EDARADD: variants seen among roughly 807,000 people sequenced by gnomAD.
EDARADD encodes ectodysplasin-A receptor-associated adapter protein.
A neutral mutation model predicts 25.6 loss-of-function variants in EDARADD; 20 were observed. The ratio of observed to expected loss-of-function variants is 0.78; its 90% CI spans 0.55 to 1.14. The LOEUF (loss-of-function observed/expected upper bound fraction) is 1.14. EDARADD is among the 50% of genes most tolerant of loss of function. The pLI, the probability that EDARADD is intolerant of heterozygous loss-of-function variation, is 0.00. For missense variants in EDARADD, 225 were observed against 270.1 expected (o/e 0.83, Z 1.17); for synonymous variants, 86 against 94.4 (o/e 0.91, Z 0.52).
intron 3 of EDARADD, among the ~76,000 whole-genome samples, chr1:236,421,665 GT>G (rs1657789488): frequency 6.6e-6 from 1 of 151,588 alleles, no homozygotes; most frequent in Non-Finnish European, 1.5e-5. Flanking sequence ...GCCTGGCTAA[GT>G]TTTGTATTTT....
At chr1:236,356,228 C>T (rs1666973979) in intron 3 of EDARADD, among the ~76,000 whole-genome samples, 1 of 152,132 alleles carries the variant, frequency 6.6e-6, no homozygotes, top group African/African-American at 2.4e-5. Flanking sequence ...CAACCCAGAG[C>T]TCTGACATGA....
chr1:236,439,466 C>A (rs1409333094), intron 4 of EDARADD, among the ~76,000 whole-genome samples: 1 of 152,210 alleles, frequency 6.6e-6, no homozygotes, highest in African/African-American at 2.4e-5. Flanking sequence ...CATTCCCACC[C>A]AGCAATGGAT....
intron 4 of EDARADD, among the ~76,000 whole-genome samples, chr1:236,455,951 G>A (rs1030905805): frequency 6.6e-5 from 10 of 152,294 alleles, no homozygotes; most frequent in African/African-American, 2.2e-4. Flanking sequence ...CACCACGTCT[G>A]GCTCATCTTT....
chr1:236,444,998 G>A (rs973611394), intron 4 of EDARADD, among the ~76,000 whole-genome samples: 7 of 151,874 alleles, frequency 4.6e-5, no homozygotes, highest in Non-Finnish European at 8.8e-5. Flanking sequence ...AAATGGTATT[G>A]TGTTTTAGAT....
chr1:236,463,788 C>T (rs544162750), intron 4 of EDARADD, among the ~76,000 whole-genome samples: 6 of 152,312 alleles, frequency 3.9e-5, no homozygotes, highest in Non-Finnish European at 7.4e-5. Flanking sequence ...GATATCTCAC[C>T]TCCCTTCAGG....
intron 4 of EDARADD, among the ~76,000 whole-genome samples, chr1:236,465,725 A>G (rs962475426): frequency 6.6e-6 from 1 of 152,162 alleles, no homozygotes; most frequent in Non-Finnish European, 1.5e-5. Context: ...GTTTTTACAT[A>G]TTAGCTGCTC....
chr1:236,426,012 C>T (rs1271087609), intron 3 of EDARADD, among the ~76,000 whole-genome samples: 1 of 151,784 alleles, frequency 6.6e-6, no homozygotes, highest in Admixed American at 6.6e-5. Flanking sequence ...GGGTCTCACT[C>T]TGTCCCCCAG....
intron 4 of EDARADD, among the ~76,000 whole-genome samples, chr1:236,461,780 G>A (rs1279461626): frequency 6.6e-6 from 1 of 152,180 alleles, no homozygotes; most frequent in African/African-American, 2.4e-5. Flanking sequence ...CCTGGGGCAT[G>A]CTTTCCCATT....
chr1:236,363,083 G>T (rs1667075006), intron 3 of EDARADD, among the ~76,000 whole-genome samples: 1 of 137,116 alleles, frequency 7.3e-6, no homozygotes, highest in Non-Finnish European at 1.5e-5. Context: ...TGTCTAGACT[G>T]CTCTCAAACT....
upstream of EDARADD, among the ~76,000 whole-genome samples, chr1:236,390,943 T>TATTA (rs1558107384): frequency 6.7e-6 from 1 of 149,964 alleles, no homozygotes; most frequent in African/African-American, 2.4e-5. Context: ...TTGGGTTAGT[T>TATTA]GTTATTATTA....
intron 3 of EDARADD, among the ~76,000 whole-genome samples, chr1:236,373,105 T>C (rs1461838916): frequency 2.0e-5 from 3 of 151,686 alleles, no homozygotes; most frequent in Non-Finnish European, 2.9e-5. Flanking sequence ...TTAGTAGAGA[T>C]GGGGTTTCAC....
At chr1:236,402,099 T>C (rs1224018049) in intron 1 of EDARADD, among the ~76,000 whole-genome samples, 1 of 152,170 alleles carries the variant, frequency 6.6e-6, no homozygotes, top group African/African-American at 2.4e-5. Context: ...GTAGCTGAGA[T>C]TACAGGCATC....
chr1:236,361,031 G>A (rs1442995899), intron 3 of EDARADD, among the ~76,000 whole-genome samples: 1 of 151,944 alleles, frequency 6.6e-6, no homozygotes, highest in East Asian at 1.9e-4. Flanking sequence ...TAAGGTTTTT[G>A]TAAAAAACAA....
At chr1:236,412,053 C>G (rs1456082300) in intron 2 of EDARADD, among the ~76,000 whole-genome samples, 1 of 152,098 alleles carries the variant, frequency 6.6e-6, no homozygotes, top group Non-Finnish European at 1.5e-5. Context: ...TAGTATATAC[C>G]CCTTGACATG....
chr1:236,385,081 T>C (rs545476373), intron 3 of EDARADD, among the ~76,000 whole-genome samples: 20 of 131,336 alleles, frequency 1.5e-4, no homozygotes, highest in African/African-American at 5.1e-4. Context: ...ATTCTATGCC[T>C]TTTGATTCTT....
intron 3 of EDARADD, among the ~76,000 whole-genome samples, chr1:236,419,694 A>G (rs542611103): frequency 1.3e-5 from 2 of 152,310 alleles, no homozygotes; most frequent in South Asian, 4.1e-4. Flanking sequence ...CCTGGGTCAG[A>G]TGGTGACCGC....
At chr1:236,424,100 C>T (rs929872939) in intron 3 of EDARADD, among the ~76,000 whole-genome samples, 28 of 150,536 alleles carry the variant, frequency 1.9e-4, no homozygotes, top group African/African-American at 5.4e-4. Flanking sequence ...AACAAGACTC[C>T]GTCTCAAAAA....
intron 2 of EDARADD, among the ~76,000 whole-genome samples, chr1:236,412,747 C>T (rs536209060): frequency 7.0e-4 from 106 of 152,336 alleles, no homozygotes; most frequent in Non-Finnish European, 1.1e-3. Flanking sequence ...TGTGTTCTTC[C>T]ATGCAGACTT....
chr1:236,349,932 C>T (rs1317085255), intron 2 of EDARADD, among the ~76,000 whole-genome samples: 2 of 152,032 alleles, frequency 1.3e-5, no homozygotes, highest in Admixed American at 6.5e-5. Flanking sequence ...GCCAACATGG[C>T]GAAACCATGT....
Sources: allele counts gnomAD v4.1 joint callset (sites outside exome capture counted in the v4.1 genomes callset), GRCh38; gene constraint gnomAD v4.1.1; transcripts MANE v1.5; gene names NCBI Gene and HGNC (gene_info 2026-07-23, HGNC 2026-07-21).